Variants in ELF2 observed in about 807,000 individuals in gnomAD.
ELF2 encodes E74 like ETS transcription factor 2, also known as ETS-related transcription factor Elf-2.
Under a neutral mutation model 54.8 loss-of-function variants are expected in ELF2, and 11 were observed. The observed-to-expected ratio is 0.20, with a 90% confidence interval of 0.13 to 0.33. ELF2 has a LOEUF of 0.33. ELF2 is among the 10% of genes least tolerant of loss of function. The pLI is 1.00. For missense variants in ELF2, 513 were observed against 703.0 expected (o/e 0.73, Z 3.06); for synonymous variants, 203 against 245.1 (o/e 0.83, Z 1.61).
chr4:139,119,793 T>C (rs1380614442), intron 4 of ELF2, among the ~76,000 whole-genome samples: 2 of 152,140 alleles, frequency 1.3e-5, no homozygotes, highest in Admixed American at 6.5e-5. Flanking sequence ...GATTGTTTGT[T>C]TTTGAGATGG....
intron 1 of ELF2, among the ~76,000 whole-genome samples, chr4:139,151,347 A>C (rs1739978158): frequency 6.6e-6 from 1 of 152,228 alleles, no homozygotes; most frequent in African/African-American, 2.4e-5. Flanking sequence ...AAACTGTTTA[A>C]ATTTTATTGT....
At chr4:139,130,307 C>T (rs1737364586) in intron 3 of ELF2, among the ~76,000 whole-genome samples, 1 of 152,152 alleles carries the variant, frequency 6.6e-6, no homozygotes, top group Non-Finnish European at 1.5e-5. Flanking sequence ...CAATAAATTT[C>T]TGTTGTTTAA....
At chr4:139,168,048 A>C (rs142656161) in intron 1 of ELF2, among the ~76,000 whole-genome samples, 1 of 152,356 alleles carries the variant, frequency 6.6e-6, no homozygotes, top group East Asian at 1.9e-4. Context: ...CATCCCTAAA[A>C]AAATTATTCA....
intron 1 of ELF2, among the ~76,000 whole-genome samples, chr4:139,173,713 G>C (rs1053803327): frequency 6.8e-6 from 1 of 147,876 alleles, no homozygotes; most frequent in Admixed American, 6.8e-5. Context: ...AGCTGAGATC[G>C]TGCCACTGCA....
At chr4:139,081,116 T>C (rs1032791934) in intron 4 of ELF2, among the ~76,000 whole-genome samples, 5 of 152,294 alleles carry the variant, frequency 3.3e-5, no homozygotes, top group South Asian at 4.1e-4. Context: ...CAGCTAGATA[T>C]AGATCCTCAA....
intron 4 of ELF2, among the ~76,000 whole-genome samples, chr4:139,116,299 G>GA (rs919042964): frequency 2.0e-5 from 3 of 149,132 alleles, no homozygotes; most frequent in Admixed American, 1.3e-4. Context: ...ATAATTGGGG[G>GA]AAAAAAACAC....
At chr4:139,130,931 GATA>G (rs1466056602) in intron 3 of ELF2, among the ~76,000 whole-genome samples, 3 of 152,188 alleles carry the variant, frequency 2.0e-5, no homozygotes, top group Admixed American at 6.5e-5. Flanking sequence ...CAGCTATTCA[GATA>G]ATTATTGCCT....
chr4:139,162,693 T>C (rs948335958), intron 1 of ELF2, among the ~76,000 whole-genome samples: 1 of 152,168 alleles, frequency 6.6e-6, no homozygotes, highest in African/African-American at 2.4e-5. Context: ...GAAACACCAA[T>C]TGCTGAACAT....
chr4:139,083,669 T>C (rs1188004590), intron 4 of ELF2, among the ~76,000 whole-genome samples: 2 of 152,170 alleles, frequency 1.3e-5, no homozygotes. Flanking sequence ...GTGGCGAGCG[T>C]TCGCCGGAGA....
chr4:139,118,195 T>C (rs921882177), intron 4 of ELF2, among the ~76,000 whole-genome samples: 3 of 151,964 alleles, frequency 2.0e-5, no homozygotes, highest in Non-Finnish European at 4.4e-5. Flanking sequence ...ATACACTCAC[T>C]GGGAAAACAA....
intron 7 of ELF2, among the ~76,000 whole-genome samples, chr4:139,065,358 T>TC (rs1424330228): frequency 6.6e-6 from 1 of 152,252 alleles, no homozygotes; most frequent in Non-Finnish European, 1.5e-5. Flanking sequence ...GTGCCTGTGG[T>TC]CCCAGCTACT....
intron 3 of ELF2, among the ~76,000 whole-genome samples, chr4:139,131,454 CA>C (rs1737480512): frequency 6.6e-6 from 1 of 152,084 alleles, no homozygotes; most frequent in Non-Finnish European, 1.5e-5. Flanking sequence ...CAGAAGTTTC[CA>C]AAGACAAGTA....
At chr4:139,136,786 T>A (rs1738209178) in intron 3 of ELF2, 2 of 150,866 alleles carry the variant, frequency 1.3e-5, no homozygotes, top group African/African-American at 4.9e-5. Context: ...TGCCTCAGCC[T>A]CCCGAGTAGC....
At chr4:139,116,333 G>T (rs1278813763) in intron 4 of ELF2, among the ~76,000 whole-genome samples, 1 of 151,484 alleles carries the variant, frequency 6.6e-6, no homozygotes, top group African/African-American at 2.4e-5. Flanking sequence ...AGGAAAAGAT[G>T]TAGATTAGAA....
intron 3 of ELF2, among the ~76,000 whole-genome samples, chr4:139,130,651 C>T (rs1419916956): frequency 1.3e-5 from 2 of 152,174 alleles, no homozygotes. Flanking sequence ...TATGTGTTTA[C>T]ATATACAACT....
chr4:139,096,947 T>C (rs1264188784), intron 4 of ELF2, among the ~76,000 whole-genome samples: 1 of 152,098 alleles, frequency 6.6e-6, no homozygotes, highest in African/African-American at 2.4e-5. Context: ...TTTTATTAGT[T>C]TCTGGTTTTA....
chr4:139,090,838 G>A (rs1201976083), intron 4 of ELF2, among the ~76,000 whole-genome samples: 2 of 152,206 alleles, frequency 1.3e-5, no homozygotes, highest in South Asian at 2.1e-4. Flanking sequence ...CAAGTGATCC[G>A]CCTGCCTCCC....
intron 2 of ELF2, among the ~76,000 whole-genome samples, chr4:139,138,815 AT>A (rs559915770): frequency 1.0e-3 from 155 of 152,328 alleles, no homozygotes; most frequent in African/African-American, 3.5e-3. Flanking sequence ...ACTTTCCTCA[AT>A]TTTTTGATAT....
At chr4:139,136,126 A>T (rs1738126943) in intron 3 of ELF2, among the ~76,000 whole-genome samples, 1 of 152,134 alleles carries the variant, frequency 6.6e-6, no homozygotes. Flanking sequence ...CTAGGAGGGG[A>T]TGGCAGTTCC....
Sources: allele counts gnomAD v4.1 joint callset (sites outside exome capture counted in the v4.1 genomes callset), GRCh38; gene constraint gnomAD v4.1.1; transcripts MANE v1.5; gene names NCBI Gene and HGNC (gene_info 2026-07-23, HGNC 2026-07-21).